The following ARID1B variants were observed in gnomAD, a reference collection of about 807,000 sequenced individuals.
The protein encoded by ARID1B is AT-rich interactive domain-containing protein 1B.
In ARID1B, 30 loss-of-function variants were observed where a neutral mutation model predicts 212.3. The observed-to-expected ratio is 0.14, with a 90% CI of 0.11 to 0.19. ARID1B has a LOEUF of 0.19. Among genes scored for constraint, ARID1B ranks in the 10% least tolerant of loss-of-function variants. The pLI is 1.00. For synonymous variants in ARID1B, 1,402 were observed against 1,301.7 expected (o/e 1.08, Z -1.66); for missense variants, 2,891 against 3,204.0 (o/e 0.90, Z 2.36).
At position 157,148,124 on chromosome 6, in the gene ARID1B, C is replaced by T. The variant is rs536521978; in HGVS notation, c.2762-500C>T. ...CTCATGTCAGGTTCCCGCGTGACAC[C>T]TTCCTGTGGGGTTTTAAAGGATGAT... is the stretch of plus-strand genomic sequence containing the variant. On this transcript the variant is annotated intron_variant, in intron 7 of 19. Coordinates refer to ENST00000636930, the MANE Select transcript of ARID1B (RefSeq NM_001374828.1). The surrounding 1 kb of genome is among the most constrained non-coding windows in gnomAD (Gnocchi z 5.6). Among the ~76,000 whole-genome samples the T allele has an allele frequency of 6.6e-6, 1 of 152,044 alleles. No homozygotes were observed. Among genetic ancestry groups the T allele is most frequent in the South Asian group, 2.1e-4 (1 of 4,798 alleles).
chr6:157,016,949 C>T (rs1779952032), intron 4 of ARID1B, among the ~76,000 whole-genome samples: 1 of 152,164 alleles, frequency 6.6e-6, no homozygotes, highest in African/African-American at 2.4e-5. Flanking sequence ...TGAAGACTTA[C>T]TGTATCTCAT....
intron 4 of ARID1B, among the ~76,000 whole-genome samples, chr6:157,021,543 T>G (rs562147992): frequency 6.6e-6 from 1 of 152,106 alleles, no homozygotes; most frequent in Non-Finnish European, 1.5e-5. Flanking sequence ...CGTAGGCTCG[T>G]GGGGGCGGGG....
chr6:156,993,884 AAT>A (rs1489888366), intron 4 of ARID1B, among the ~76,000 whole-genome samples: 1 of 152,208 alleles, frequency 6.6e-6, no homozygotes, highest in South Asian at 2.1e-4. Context: ...CTCTTCGTAA[AAT>A]ATATGTCTAT....
At chr6:156,874,501 G>T (rs543104219) in intron 2 of ARID1B, among the ~76,000 whole-genome samples, 2 of 152,290 alleles carry the variant, frequency 1.3e-5, no homozygotes, top group East Asian at 1.9e-4. Flanking sequence ...CAACACCAAG[G>T]CTCAAGGCCT....
chr6:156,816,376 G>C (rs564749601), intron 1 of ARID1B, among the ~76,000 whole-genome samples: 1 of 152,270 alleles, frequency 6.6e-6, no homozygotes, highest in Non-Finnish European at 1.5e-5. Flanking sequence ...ATGCACTTGG[G>C]TTTCTTTAAT....
chr6:156,904,793 T>G (rs1053339371), intron 3 of ARID1B, among the ~76,000 whole-genome samples: 24 of 152,218 alleles, frequency 1.6e-4, no homozygotes, highest in African/African-American at 5.8e-4. Flanking sequence ...TCAGAACACA[T>G]GTAAAACATT....
chr6:157,144,232 T>G (rs1789566487), intron 7 of ARID1B, among the ~76,000 whole-genome samples: 1 of 152,254 alleles, frequency 6.6e-6, no homozygotes, highest in Non-Finnish European at 1.5e-5. Context: ...TGCCAGCATT[T>G]CCGCATTCCA....
rs1279451567 is a variant in ARID1B at position 157,190,825 on chromosome 6, G to T, written c.4231+615G>T. Reference sequence around the variant, plus strand: ...AAAGGAAGAAAGGATACAGATAGCAGTGGCACTGGGTGGCGCGGTGGGAGA... The same window carrying T: ...AAAGGAAGAAAGGATACAGATAGCATTGGCACTGGGTGGCGCGGTGGGAGA... On this transcript the variant is annotated intron_variant, in intron 15 of 19. Transcript: ENST00000636930. This position sits in a 1 kb window ranked among gnomAD's most constrained non-coding sequence, Gnocchi z 4.6. Among the ~76,000 whole-genome samples, 1 of 152,182 alleles carries T rather than the reference G, an allele frequency of 6.6e-6. No individual in the cohort carries two copies. Among genetic ancestry groups the T allele is most frequent in the East Asian group, 1.9e-4 (1 of 5,194 alleles).
chr6:156,875,099 A>C (rs1428661209), intron 2 of ARID1B, among the ~76,000 whole-genome samples: 1 of 152,234 alleles, frequency 6.6e-6, no homozygotes, highest in Non-Finnish European at 1.5e-5. Flanking sequence ...ATTTGAGTAT[A>C]TAGATTAAGA....
At chr6:156,843,648 A>G (rs1784047351) in intron 2 of ARID1B, among the ~76,000 whole-genome samples, 3 of 152,194 alleles carry the variant, frequency 2.0e-5, no homozygotes, top group Admixed American at 2.0e-4. Flanking sequence ...TAATAATAAT[A>G]TGTATTTACT....
At chr6:156,931,184 C>T (rs1419578366) in intron 3 of ARID1B, among the ~76,000 whole-genome samples, 2 of 91,070 alleles carry the variant, frequency 2.2e-5, no homozygotes, top group African/African-American at 1.1e-4. Context: ...GAGCGAGACT[C>T]AGTCTCAAAA....
chr6:157,155,486 A>T (rs1173870651), intron 8 of ARID1B, among the ~76,000 whole-genome samples: 10 of 152,204 alleles, frequency 6.6e-5, no homozygotes, highest in Admixed American at 6.5e-4. Context: ...TTTCAAAAAA[A>T]AAAAAAGGGT....
At chr6:156,874,261 A>G (rs1380175190) in intron 2 of ARID1B, among the ~76,000 whole-genome samples, 1 of 152,056 alleles carries the variant, frequency 6.6e-6, no homozygotes, top group African/African-American at 2.4e-5. Context: ...GACAGGATCT[A>G]CCTGTGTTAC....
chr6:156,921,506 A>G (rs1425193094), intron 3 of ARID1B, among the ~76,000 whole-genome samples: 2 of 151,060 alleles, frequency 1.3e-5, no homozygotes, highest in Non-Finnish European at 2.9e-5. Context: ...ATGTAAGGGA[A>G]TCTCTAAAAA....
intron 2 of ARID1B, among the ~76,000 whole-genome samples, chr6:156,897,493 G>A (rs1427590456): frequency 6.6e-6 from 1 of 151,388 alleles, no homozygotes; most frequent in Non-Finnish European, 1.5e-5. Flanking sequence ...AGGCTGGTTT[G>A]GAACTCCTGA....
intron 6 of ARID1B, among the ~76,000 whole-genome samples, chr6:157,123,881 T>C (rs1787948546): frequency 1.3e-5 from 2 of 152,272 alleles, no homozygotes; most frequent in Admixed American, 1.3e-4. Context: ...GCTTTGCAGC[T>C]ACTAACGTGC....
chr6:157,047,636 G>C (rs985816381), intron 4 of ARID1B, among the ~76,000 whole-genome samples: 7 of 152,144 alleles, frequency 4.6e-5, no homozygotes, highest in African/African-American at 1.7e-4. Flanking sequence ...AAAGACGTTA[G>C]GAATTAAACA....
chr6:157,055,455 A>T lies in ARID1B; in HGVS notation c.2248-29207A>T, dbSNP rs552154253. Among the ~76,000 whole-genome samples the T allele has an allele frequency of 2.6e-5, 4 of 152,326 alleles. No individual in the cohort carries two copies. In the East Asian group the frequency reaches 7.7e-4, roughly 29 times the overall value. On this transcript the variant is annotated intron_variant, in intron 4 of 19. Transcript: ENST00000636930. ...AAAGAAAACACCCAAATATCACCTT[A>T]AATTTCAAACCTTTACTGCTCACTG...
intron 2 of ARID1B, among the ~76,000 whole-genome samples, chr6:156,836,141 C>G (rs2128068083): frequency 6.6e-6 from 1 of 152,256 alleles, no homozygotes; most frequent in Admixed American, 6.5e-5. Context: ...CCTTGGAAAA[C>G]AAACACTGAA....
Sources: gnomAD v4.1 joint callset for allele counts (sites outside exome capture counted in the v4.1 genomes callset) on GRCh38, gnomAD v4.1.1 for gene constraint, Gnocchi (gnomAD v3.1) non-coding constraint, MANE v1.5 for transcripts, NCBI Gene and HGNC (gene_info 2026-07-23, HGNC 2026-07-21) for gene names.